Variants in LRFN5 observed in about 807,000 individuals in gnomAD.
LRFN5 encodes the protein leucine-rich repeat and fibronectin type-III domain-containing protein 5.
LRFN5 carries 24 observed loss-of-function variants against 45.6 expected under a neutral mutation model. The observed-to-expected ratio is 0.53, with a 90% CI of 0.38 to 0.74. The LOEUF (loss-of-function observed/expected upper bound fraction) is 0.74, where lower values mean the gene tolerates loss of function less well. Among genes scored for constraint, LRFN5 ranks in the 30% least tolerant of loss-of-function variants. The pLI is 0.00. For synonymous variants in LRFN5, 340 were observed against 313.8 expected, an observed-to-expected ratio of 1.08 and a Z score of -0.88; for missense variants, 776 against 861.5, an observed-to-expected ratio of 0.90 and a Z score of 1.24.
chr14:41,646,729 G>C (rs1879834585), intron 1 of LRFN5, among the ~76,000 whole-genome samples: 1 of 152,104 alleles, frequency 6.6e-6, no homozygotes, highest in South Asian at 2.1e-4. Context: ...CATTCATGCT[G>C]TGCATGACAA....
intron 2 of LRFN5, among the ~76,000 whole-genome samples, chr14:41,863,416 T>C (rs1056327405): frequency 2.7e-4 from 41 of 152,164 alleles, no homozygotes; most frequent in African/African-American, 8.4e-4. Context: ...AGATTATACA[T>C]TGACCTATTG....
intron 1 of LRFN5, among the ~76,000 whole-genome samples, chr14:41,709,919 C>T (rs1478700423): frequency 6.6e-6 from 1 of 151,734 alleles, no homozygotes; most frequent in Non-Finnish European, 1.5e-5. Context: ...TGTAAATATA[C>T]CTAAATAAAC....
rs149162137 is a variant in LRFN5 at position 41,867,784 on chromosome 14, C to T, written c.-20-18822C>T. On this transcript the variant is annotated intron_variant, in intron 2 of 5. Transcript: ENST00000298119. ...CTTCTCACCTTTTTTCACTTCCTTG[C>T]TCACCTTTTCTCACTTCCTTGCTGG... Among the ~76,000 whole-genome samples, 521 of 152,150 alleles carry T rather than the reference C, an allele frequency of 3.4e-3. 4 individuals are homozygous for T. The highest frequency in any genetic ancestry group is 5.6e-3 in the Non-Finnish European group (384 of 67,968).
chr14:41,871,382 G>A (rs1003397133), intron 2 of LRFN5, among the ~76,000 whole-genome samples: 1 of 152,120 alleles, frequency 6.6e-6, no homozygotes, highest in African/African-American at 2.4e-5. Context: ...GAGGTCAGGA[G>A]TTCAAGACCA....
intron 2 of LRFN5, among the ~76,000 whole-genome samples, chr14:41,875,789 C>T (rs1220392820): frequency 1.3e-5 from 2 of 152,202 alleles, no homozygotes; most frequent in Non-Finnish European, 1.5e-5. Flanking sequence ...CTCACAATGC[C>T]AAAGGGAAAG....
intron 3 of LRFN5, among the ~76,000 whole-genome samples, chr14:41,888,562 C>T (rs756179109): frequency 2.0e-5 from 3 of 151,964 alleles, no homozygotes; most frequent in Non-Finnish European, 4.4e-5. Context: ...TGGGTATTGC[C>T]ATTTTTGGTC....
In LRFN5 at chr14:41,667,216, C is replaced by T. The variant is rs540531978; in HGVS notation, c.-197+58654C>T. Among the ~76,000 whole-genome samples the T allele has an allele frequency of 4.6e-5, 7 of 152,230 alleles. No homozygotes were observed. The South Asian group carries it at 1.4e-3, about 32-fold the overall frequency. ...TTATGGCTTCAATTTGTAATGTAGGCTATCACTCTGCTTTGTTCTTTCCTC... is the reference window on the plus strand; with the variant it reads ...TTATGGCTTCAATTTGTAATGTAGGTTATCACTCTGCTTTGTTCTTTCCTC... On this transcript the variant is annotated intron_variant, in intron 1 of 5. Transcript: ENST00000298119.
At chr14:41,762,367 G>T (rs1566658475) in intron 1 of LRFN5, among the ~76,000 whole-genome samples, 1 of 152,044 alleles carries the variant, frequency 6.6e-6, no homozygotes, top group Non-Finnish European at 1.5e-5. Flanking sequence ...AAATGCTCTA[G>T]CAGTGTATTA....
At chr14:41,903,134 T>G (rs1366092663) in intron 5 of LRFN5, among the ~76,000 whole-genome samples, 1 of 151,546 alleles carries the variant, frequency 6.6e-6, no homozygotes, top group African/African-American at 2.4e-5. Flanking sequence ...ATTTCACTAT[T>G]CAGATTATCA....
chr14:41,684,800 G>A (rs1469565963), intron 1 of LRFN5, among the ~76,000 whole-genome samples: 2 of 152,178 alleles, frequency 1.3e-5, no homozygotes, highest in Non-Finnish European at 2.9e-5. Flanking sequence ...ATTGTCAAGT[G>A]AGATCACAGT....
intron 1 of LRFN5, among the ~76,000 whole-genome samples, chr14:41,674,382 C>T (rs1234224666): frequency 3.8e-5 from 5 of 132,814 alleles, no homozygotes; most frequent in East Asian, 2.4e-4. Context: ...GGGGGGCTGA[C>T]CCCCCCACCT....
intron 1 of LRFN5, among the ~76,000 whole-genome samples, chr14:41,723,079 C>G (rs1340948487): frequency 1.3e-5 from 2 of 152,182 alleles, no homozygotes; most frequent in Admixed American, 1.3e-4. Flanking sequence ...CTCCAGATAG[C>G]TGGAAATTTG....
At chr14:41,767,596 T>C (rs1256071286) in intron 2 of LRFN5, among the ~76,000 whole-genome samples, 1 of 152,112 alleles carries the variant, frequency 6.6e-6, no homozygotes, top group Non-Finnish European at 1.5e-5. Flanking sequence ...TGCCAGCCTT[T>C]AAATGTGCAT....
At chr14:41,618,876 G>GT (rs375513422) in intron 1 of LRFN5, among the ~76,000 whole-genome samples, 1 of 152,082 alleles carries the variant, frequency 6.6e-6, no homozygotes, top group African/African-American at 2.4e-5. Flanking sequence ...GGCAGAATAT[G>GT]TTTTTTTCTT....
chr14:41,650,001 A>C (rs183093023), intron 1 of LRFN5, among the ~76,000 whole-genome samples: 1,667 of 152,292 alleles, frequency 0.011, 25 homozygotes, highest in Non-Finnish European at 0.019. Context: ...ATAATTAAGA[A>C]AAAATGTAAA....
At chr14:41,862,427 TATATTGTTC>T (rs1349116199) in intron 2 of LRFN5, among the ~76,000 whole-genome samples, 3 of 152,238 alleles carry the variant, frequency 2.0e-5, no homozygotes, top group Non-Finnish European at 4.4e-5. Context: ...TTTTTTCTTT[TATATTGTTC>T]AATTATATTA....
intron 1 of LRFN5, among the ~76,000 whole-genome samples, chr14:41,670,294 TATATATATATAC>T (rs1423185990): frequency 0.11 from 6,840 of 64,466 alleles, 624 homozygotes; most frequent in East Asian, 0.46. Flanking sequence ...TATATATATA[TATATATATATAC>T]ACACACACAG....
At chr14:41,657,702 G>A (rs939939441) in intron 1 of LRFN5, among the ~76,000 whole-genome samples, 6 of 151,810 alleles carry the variant, frequency 4.0e-5, no homozygotes, top group Admixed American at 6.6e-5. Flanking sequence ...CCAAACTAAC[G>A]TACATACCCA....
At chr14:41,845,445 T>A (rs780859623) in intron 2 of LRFN5, among the ~76,000 whole-genome samples, 16 of 152,170 alleles carry the variant, frequency 1.1e-4, no homozygotes, top group Non-Finnish European at 2.1e-4. Context: ...CATGTATATT[T>A]ACATATTTGC....
Sources: gnomAD v4.1 joint callset for allele counts (sites outside exome capture counted in the v4.1 genomes callset) on GRCh38, gnomAD v4.1.1 for gene constraint, MANE v1.5 for transcripts, NCBI Gene and HGNC (gene_info 2026-07-23, HGNC 2026-07-21) for gene names.